Variants in CACNA2D4 observed in about 807,000 individuals in gnomAD.
The protein encoded by CACNA2D4 is calcium voltage-gated channel auxiliary subunit alpha2delta 4.
Under a neutral mutation model 163.8 loss-of-function variants are expected in CACNA2D4, and 157 were observed. The ratio of observed to expected loss-of-function variants is 0.96; its 90% CI spans 0.84 to 1.09. The LOEUF (loss-of-function observed/expected upper bound fraction) is 1.09. Ranked by LOEUF, CACNA2D4 falls within the 50% of genes least tolerant of loss-of-function variation. CACNA2D4 has a pLI of 0.00. For missense variants in CACNA2D4, 1,410 were observed against 1,479.9 expected, an observed-to-expected ratio of 0.95 and a Z score of 0.78; for synonymous variants, 598 against 586.9, an observed-to-expected ratio of 1.02 and a Z score of -0.27.
rs549158809 is a variant in CACNA2D4 at position 1,798,714 on chromosome 12, G to T, written c.2995+961C>A. On this transcript the variant is annotated intron_variant, in intron 34 of 37. Transcript: ENST00000382722. This position sits in a 1 kb window ranked among gnomAD's most constrained non-coding sequence, Gnocchi z 4.3. Reference sequence around the variant, plus strand: ...CAGGGGGAGGAGCTCCAGGGGACAGGTACCCCAGAGAAGAGAAATTCTGAG... The same window carrying T: ...CAGGGGGAGGAGCTCCAGGGGACAGTTACCCCAGAGAAGAGAAATTCTGAG... Among the ~76,000 whole-genome samples, 15 of 152,314 alleles carry T rather than the reference G, an allele frequency of 9.8e-5. No individual in the cohort carries two copies. The highest frequency in any genetic ancestry group is 2.6e-4 in the African/African-American group (11 of 41,570).
rs763193675 is a variant in CACNA2D4 at position 1,878,410 on chromosome 12, G to A, written c.1645-21C>T. ...CCAAGCTGCCAGAGTCCAGGGTGGA[G>A]GCGCATTAGGCCTGCTGTTTGTGCT... On this transcript the variant is annotated intron_variant, in intron 15 of 37. Coordinates refer to ENST00000382722, the MANE Select transcript of CACNA2D4 (RefSeq NM_172364.5). This position sits in a 1 kb window ranked among gnomAD's most constrained non-coding sequence, Gnocchi z 4.6. The A allele has an allele frequency of 1.3e-6, 2 of 1,582,690 alleles. No homozygotes were observed. The highest frequency in any genetic ancestry group is 2.3e-5 in the South Asian group (2 of 86,280).
At position 1,866,160 on chromosome 12, in the gene CACNA2D4, A is replaced by G. The variant is rs547576669; in HGVS notation, c.1879-5954T>C. Among the ~76,000 whole-genome samples, 5 of 152,350 alleles carry G rather than the reference A, an allele frequency of 3.3e-5. 1 individual carries two copies. The South Asian group carries it at 8.3e-4, about 25-fold the overall frequency. ...TCCAGGTTTTTCATAGGTGCCTTTC[A>G]TCAGAGGGAAGAAGTTTCTTTCTGT... On this transcript the variant is annotated intron_variant, in intron 18 of 37. Coordinates refer to ENST00000382722, the MANE Select transcript of CACNA2D4 (RefSeq NM_172364.5).
At chr12:1,847,001 G>A (rs1436676151) in intron 23 of CACNA2D4, among the ~76,000 whole-genome samples, 1 of 152,206 alleles carries the variant, frequency 6.6e-6, no homozygotes, top group African/African-American at 2.4e-5. Context: ...TCTAGAAGAT[G>A]GAACTTGGAA....
intron 24 of CACNA2D4, among the ~76,000 whole-genome samples, chr12:1,846,249 T>C (rs1270509209): frequency 2.0e-5 from 3 of 152,132 alleles, no homozygotes; most frequent in Non-Finnish European, 1.5e-5. Flanking sequence ...GAGATTCCTC[T>C]AGGTGGATTC....
chr12:1,797,711 C>T, intron 34 of CACNA2D4, 176 bp from the exon 35 acceptor site: 1 of 645,158 alleles, frequency 1.6e-6, no homozygotes, highest in Admixed American at 2.5e-5. Context: ...AGGGAAGACA[C>T]CCGGAGTCTC....
chr12:1,847,639 A>ATT (rs1865179060), intron 23 of CACNA2D4, among the ~76,000 whole-genome samples: 1 of 152,214 alleles, frequency 6.6e-6, no homozygotes, highest in Non-Finnish European at 1.5e-5. Flanking sequence ...CTCTGGGGAC[A>ATT]GGGCCTAAGC....
intron 26 of CACNA2D4, among the ~76,000 whole-genome samples, chr12:1,812,277 G>A (rs910041477): frequency 6.6e-6 from 1 of 152,172 alleles, no homozygotes; most frequent in African/African-American, 2.4e-5. Context: ...AGCCAGGTTC[G>A]GGTTTGCCCA....
At chr12:1,860,776 C>A (rs1865507620) in intron 18 of CACNA2D4, among the ~76,000 whole-genome samples, 1 of 152,236 alleles carries the variant, frequency 6.6e-6, no homozygotes, top group Non-Finnish European at 1.5e-5. Context: ...GACCCTTTCA[C>A]AACTTCCTTT....
rs376907063 is a variant in CACNA2D4 at position 1,802,079 on chromosome 12, C to T, written c.2722-435G>A. Among the ~76,000 whole-genome samples, 6 of 149,610 alleles carry T rather than the reference C, an allele frequency of 4.0e-5. No homozygotes were observed. The highest frequency in any genetic ancestry group is 3.3e-4 in the Admixed American group (5 of 14,988). ...TGTGTGTTGGGTCAGATATAAAACA[C>T]GTTTCTGCAGGTCAAGGTCAGAAGC... is the stretch of plus-strand genomic sequence containing the variant. On this transcript the variant is annotated intron_variant, in intron 29 of 37. Coordinates refer to ENST00000382722, the MANE Select transcript of CACNA2D4 (RefSeq NM_172364.5). The surrounding 1 kb of genome is among the most constrained non-coding windows in gnomAD (Gnocchi z 4.7).
Position 1,883,015 on chromosome 12 carries a change from G to GC in CACNA2D4, c.1352-16dup. ...CGTGTAGTAGCCTGCGGTGGGGAAG[G>GC]CCGCGTGGGTGTGGAAGGCAGGGCT... On this transcript the variant is annotated splice_polypyrimidine_tract_variant and intron_variant, in intron 12 of 37. Coordinates refer to ENST00000382722, the MANE Select transcript of CACNA2D4 (RefSeq NM_172364.5). The surrounding 1 kb of genome is among the most constrained non-coding windows in gnomAD (Gnocchi z 4.5). 6.2e-7 allele frequency: 1 copy of GC among 1,609,294 alleles called. No individual in the cohort carries two copies. The highest frequency in any genetic ancestry group is 8.5e-7 in the Non-Finnish European group (1 of 1,177,800).
chr12:1,913,802 T>G (rs112727058), intron 2 of CACNA2D4, among the ~76,000 whole-genome samples: 1 of 152,244 alleles, frequency 6.6e-6, no homozygotes, highest in African/African-American at 2.4e-5. Context: ...TGCAATGTAT[T>G]GGCCGTGTGA....
chr12:1,800,804 G>A lies in CACNA2D4; in HGVS notation c.2868+239C>T, dbSNP rs1863292208. ...GGCTGCTCTCTCTGTCTCCGCCAGAGGCACTGTTGTGTCACAACTACCAGA... is the reference window on the plus strand; with the variant it reads ...GGCTGCTCTCTCTGTCTCCGCCAGAAGCACTGTTGTGTCACAACTACCAGA... On this transcript the variant is annotated intron_variant, in intron 31 of 37. Transcript: ENST00000382722. The A allele has an allele frequency of 8.4e-6, 5 of 596,854 alleles. No homozygotes were observed. In the East Asian group the frequency reaches 1.4e-4, roughly 16 times the overall value. The allele number at this position is 596,854 out of a possible 1,614,324, so 37.0% of individuals were successfully genotyped here.
intron 6 of CACNA2D4, among the ~76,000 whole-genome samples, chr12:1,900,362 T>C (rs918482456): frequency 2.6e-5 from 4 of 152,210 alleles, no homozygotes; most frequent in Admixed American, 2.0e-4. Context: ...CTTGAATTCC[T>C]GGGCTGAAGC....
At chr12:1,871,490 T>C (rs1463872765) in intron 18 of CACNA2D4, among the ~76,000 whole-genome samples, 1 of 150,736 alleles carries the variant, frequency 6.6e-6, no homozygotes, top group African/African-American at 2.4e-5. Flanking sequence ...TGTGTGCATA[T>C]GTACATGTGT....
At position 1,875,796 on chromosome 12, in the gene CACNA2D4, G is replaced by A. The variant is rs1318992769; in HGVS notation, c.1720-459C>T. Among the ~76,000 whole-genome samples, 1 of 152,198 alleles carries A rather than the reference G, an allele frequency of 6.6e-6. No individual in the cohort carries two copies. The highest frequency in any genetic ancestry group is 6.5e-5 in the Admixed American group (1 of 15,280). On this transcript the variant is annotated intron_variant, in intron 16 of 37. Coordinates refer to ENST00000382722, the MANE Select transcript of CACNA2D4 (RefSeq NM_172364.5). The surrounding 1 kb of genome is among the most constrained non-coding windows in gnomAD (Gnocchi z 4.0). Reference sequence around the variant, plus strand: ...TTCACTGCTCCAACTGAGTTTGCCCGGTGTGCAGGTGCCTCAGCTCCCTCT... The same window carrying A: ...TTCACTGCTCCAACTGAGTTTGCCCAGTGTGCAGGTGCCTCAGCTCCCTCT...
intron 6 of CACNA2D4, among the ~76,000 whole-genome samples, chr12:1,905,146 G>A (rs926193741): frequency 6.6e-6 from 1 of 151,928 alleles, no homozygotes; most frequent in Non-Finnish European, 1.5e-5. Flanking sequence ...TGCATAAAAA[G>A]CATTTCACAA....
At chr12:1,894,694 G>A (rs893774575) in intron 6 of CACNA2D4, among the ~76,000 whole-genome samples, 2 of 152,130 alleles carry the variant, frequency 1.3e-5, no homozygotes, top group Non-Finnish European at 2.9e-5. Context: ...ATTGCTTCAT[G>A]ATTAGAAACT....
In CACNA2D4 at chr12:1,912,749, G is replaced by T. The variant is rs568163280; in HGVS notation, c.426+274C>A. Among the ~76,000 whole-genome samples, 14 of 152,348 alleles carry T rather than the reference G, an allele frequency of 9.2e-5. No individual in the cohort carries two copies. The East Asian group carries it at 1.2e-3, about 13-fold the overall frequency. ...GTGACTCAGAGTTCCTCACAATGCT[G>T]CAGGCTGACCCGGCAGTGCTGGGCA... On this transcript the variant is annotated intron_variant, in intron 3 of 37. Transcript: ENST00000382722.
intron 26 of CACNA2D4, among the ~76,000 whole-genome samples, 196 bp downstream of exon 26, chr12:1,840,543 T>C (rs1864995613): frequency 6.6e-6 from 1 of 152,234 alleles, no homozygotes; most frequent in Non-Finnish European, 1.5e-5. Context: ...GCTCACTTCG[T>C]GAATACTTTC....
Sources: allele counts gnomAD v4.1 joint callset (sites outside exome capture counted in the v4.1 genomes callset), GRCh38; gene constraint gnomAD v4.1.1; non-coding constraint Gnocchi (gnomAD v3.1); transcripts MANE v1.5; gene names NCBI Gene and HGNC (gene_info 2026-07-23, HGNC 2026-07-21).